Variants in KCNQ3 observed in about 807,000 individuals in gnomAD.
KCNQ3 encodes the protein potassium voltage-gated channel subfamily Q member 3, also known as potassium voltage-gated channel subfamily KQT member 3.
In KCNQ3, 30 loss-of-function variants were observed where a neutral mutation model predicts 92.5. The ratio of observed to expected loss-of-function variants is 0.32; its 90% CI spans 0.24 to 0.44. KCNQ3 has a LOEUF of 0.44. KCNQ3 is among the 20% of genes least tolerant of loss of function. The pLI is 1.00. For synonymous variants in KCNQ3, 450 were observed against 468.8 expected (o/e 0.96, Z 0.52); for missense variants, 913 against 1,140.3 (o/e 0.80, Z 2.87).
chr8:132,471,236 T>C (rs1185062983), intron 1 of KCNQ3, among the ~76,000 whole-genome samples: 1 of 152,150 alleles, frequency 6.6e-6, no homozygotes, highest in Admixed American at 6.5e-5. Context: ...ACTCTTCTAT[T>C]GAGTACACCA....
In KCNQ3 at chr8:132,208,098, T is replaced by G. The variant is rs1392384302; in HGVS notation, c.387-21917A>C. Among the ~76,000 whole-genome samples, 63 of 152,140 alleles carry G rather than the reference T, an allele frequency of 4.1e-4. 1 individual carries two copies. Among genetic ancestry groups the G allele is most frequent in the Non-Finnish European group, 4.7e-4 (32 of 68,030 alleles). ...TCTAAATGCTCCTGGATTTTATATT[T>G]ACTTTCACAGTCCTTTGTTCAACAC... On this transcript the variant is annotated intron_variant, in intron 1 of 14. Transcript: ENST00000388996.
chr8:132,298,869 T>C (rs910433335), intron 1 of KCNQ3, among the ~76,000 whole-genome samples: 4 of 151,912 alleles, frequency 2.6e-5, no homozygotes, highest in East Asian at 1.9e-4. Context: ...GATGGCACCA[T>C]TGCACTCCAG....
In KCNQ3 at chr8:132,129,964, G is replaced by C. The variant is rs78731303; in HGVS notation, c.1917C>G (p.Leu639=). 1 of 1,613,910 alleles carries C rather than the reference G, an allele frequency of 6.2e-7. No individual in the cohort carries two copies. Among genetic ancestry groups the C allele is most frequent in the Non-Finnish European group, 8.5e-7 (1 of 1,180,024 alleles). ...VQDMGKKLDF[L]VDMHMQHMER... The stretch of plus-strand genomic sequence containing the variant: ...CCATGTGTTGCATGTGCATATCCAC[G>C]AGGAAGTCCAGCTTCTTCCCCATGT... Residue 639 remains leucine (L), a synonymous_variant, in exon 15 of 15, where the codon CTC becomes CTG. Transcript: ENST00000388996. This position sits in a 1 kb window ranked among gnomAD's most constrained non-coding sequence, Gnocchi z 5.9.
chr8:132,163,755 G>A (rs1228703448), intron 8 of KCNQ3, among the ~76,000 whole-genome samples: 1 of 152,138 alleles, frequency 6.6e-6, no homozygotes, highest in Non-Finnish European at 1.5e-5. Context: ...CCAGAAAATG[G>A]TTGCTGAGCA....
At chr8:132,207,854 T>G (rs1813714534) in intron 1 of KCNQ3, among the ~76,000 whole-genome samples, 1 of 151,884 alleles carries the variant, frequency 6.6e-6, no homozygotes, top group Non-Finnish European at 1.5e-5. Context: ...ACTTTTTTCT[T>G]TTCCTTTTGG....
intron 3 of KCNQ3, among the ~76,000 whole-genome samples, chr8:132,182,403 G>C (rs1478489109): frequency 1.3e-5 from 2 of 152,196 alleles, no homozygotes; most frequent in Admixed American, 1.3e-4. Context: ...CTTTCCCATA[G>C]GGCCACATTG....
intron 1 of KCNQ3, among the ~76,000 whole-genome samples, chr8:132,308,465 A>G (rs1047272346): frequency 3.3e-5 from 5 of 152,192 alleles, no homozygotes; most frequent in African/African-American, 1.2e-4. Flanking sequence ...TGGAGGCAAT[A>G]GAAGCATTGA....
chr8:132,129,311 C>T lies in KCNQ3; in HGVS notation c.2570G>A (p.Gly857Glu). The T allele has an allele frequency of 3.7e-6, 6 of 1,614,086 alleles. No individual in the cohort carries two copies. Among genetic ancestry groups the T allele is most frequent in the Non-Finnish European group, 5.1e-6 (6 of 1,180,038 alleles). ...CCATACTGAATCAGAAATCCCATCC[C>T]CTGTGGACGACAGAGGCATGGAGCC... is the stretch of plus-strand genomic sequence containing the variant. ...PSGSMPLSSTGDGISDSVWTP... is the reference protein window; with the variant it reads ...PSGSMPLSSTEDGISDSVWTP... The change falls in exon 15 of 15, where the codon GGG (glycine) becomes GAG (glutamate). Residue 857 changes from glycine to glutamate, a missense_variant. Coordinates refer to ENST00000388996, the MANE Select transcript of KCNQ3 (RefSeq NM_004519.4). The surrounding 1 kb of genome is among the most constrained non-coding windows in gnomAD (Gnocchi z 5.9).
At chr8:132,230,848 G>A (rs1814623594) in intron 1 of KCNQ3, among the ~76,000 whole-genome samples, 1 of 152,100 alleles carries the variant, frequency 6.6e-6, no homozygotes, top group Admixed American at 6.5e-5. Flanking sequence ...AGTGTAATAA[G>A]CTCAACTGTG....
At chr8:132,453,530 C>T (rs574875728) in intron 1 of KCNQ3, among the ~76,000 whole-genome samples, 24 of 152,260 alleles carry the variant, frequency 1.6e-4, no homozygotes, top group Middle Eastern at 6.8e-3. Context: ...AACCGAGGGG[C>T]CTGCACTGGC....
intron 1 of KCNQ3, among the ~76,000 whole-genome samples, chr8:132,423,694 A>G (rs1443536771): frequency 6.6e-6 from 1 of 152,158 alleles, no homozygotes; most frequent in African/African-American, 2.4e-5. Context: ...GAGGTGAGTA[A>G]TTCAGCCGAG....
intron 1 of KCNQ3, among the ~76,000 whole-genome samples, chr8:132,322,681 C>T (rs551500706): frequency 1.2e-4 from 18 of 152,270 alleles, no homozygotes; most frequent in African/African-American, 1.9e-4. Flanking sequence ...GGCAGGCAGA[C>T]GAATGTGCCT....
intron 11 of KCNQ3, among the ~76,000 whole-genome samples, chr8:132,138,433 C>T (rs956036134): frequency 2.0e-5 from 3 of 152,200 alleles, no homozygotes; most frequent in African/African-American, 7.2e-5. Flanking sequence ...AGACAGGGTG[C>T]TGACAAGGCT....
intron 1 of KCNQ3, among the ~76,000 whole-genome samples, chr8:132,294,067 C>T (rs1346221143): frequency 7.2e-6 from 1 of 138,128 alleles, no homozygotes; most frequent in Non-Finnish European, 1.5e-5. Context: ...GTGGCGTGAT[C>T]TCAGCTCACT....
intron 1 of KCNQ3, among the ~76,000 whole-genome samples, chr8:132,400,548 G>T (rs1435830234): frequency 1.3e-5 from 2 of 152,200 alleles, no homozygotes; most frequent in African/African-American, 4.8e-5. Flanking sequence ...TGCCACCGCG[G>T]GTCCCTGCAC....
chr8:132,294,876 C>T (rs1223745116), intron 1 of KCNQ3, among the ~76,000 whole-genome samples: 1 of 152,200 alleles, frequency 6.6e-6, no homozygotes, highest in African/African-American at 2.4e-5. Flanking sequence ...CTCCCTTACA[C>T]CTTATACAAA....
intron 1 of KCNQ3, among the ~76,000 whole-genome samples, chr8:132,314,944 G>A (rs902902864): frequency 3.3e-5 from 5 of 152,160 alleles, no homozygotes; most frequent in East Asian, 1.9e-4. Flanking sequence ...TCAGACATTC[G>A]CAAGAAATTG....
At chr8:132,219,892 T>C (rs994231297) in intron 1 of KCNQ3, among the ~76,000 whole-genome samples, 4 of 150,872 alleles carry the variant, frequency 2.7e-5, no homozygotes, top group African/African-American at 9.9e-5. Flanking sequence ...CTCCATGTCT[T>C]CCATTTTACA....
intron 1 of KCNQ3, among the ~76,000 whole-genome samples, chr8:132,329,496 T>C (rs1040306525): frequency 7.6e-5 from 4 of 52,978 alleles, no homozygotes; most frequent in Admixed American, 6.3e-4. Flanking sequence ...TAAACCTTCA[T>C]TGCCATCAAA....
Sources: allele counts gnomAD v4.1 joint callset (sites outside exome capture counted in the v4.1 genomes callset), GRCh38; gene constraint gnomAD v4.1.1; non-coding constraint Gnocchi (gnomAD v3.1); transcripts MANE v1.5; gene names NCBI Gene and HGNC (gene_info 2026-07-23, HGNC 2026-07-21).